Variants in RBFOX1 observed in about 807,000 individuals in gnomAD.
RBFOX1 encodes RNA binding fox-1 homolog 1, also known as RNA binding protein fox-1 homolog 1.
A neutral mutation model predicts 57.7 loss-of-function variants in RBFOX1; 8 were observed. The ratio of observed to expected loss-of-function variants is 0.14; its 90% CI spans 0.08 to 0.25. The LOEUF (loss-of-function observed/expected upper bound fraction) is 0.25, where lower values mean the gene tolerates loss of function less well. Ranked by LOEUF, RBFOX1 falls within the 10% of genes least tolerant of loss-of-function variation. RBFOX1 has a pLI of 1.00. For synonymous variants in RBFOX1, 326 were observed against 222.4 expected, an observed-to-expected ratio of 1.47 and a Z score of -4.15; for missense variants, 611 against 548.5, an observed-to-expected ratio of 1.11 and a Z score of -1.14.
At chr16:5,611,719 T>C (rs146645368) in intron 3 of RBFOX1, among the ~76,000 whole-genome samples, 59,253 of 114,808 alleles carry the variant, frequency 0.52, 17,560 homozygotes, top group Non-Finnish European at 0.66. Context: ...TCCATCCATC[T>C]ATCCATCCAT....
intron 2 of RBFOX1, among the ~76,000 whole-genome samples, chr16:6,437,254 C>A (rs1016452640): frequency 2.0e-5 from 3 of 152,184 alleles, no homozygotes; most frequent in African/African-American, 7.2e-5. Context: ...CAGTAATTCC[C>A]TACTGACCTG....
At chr16:6,304,164 T>C (rs1186160621) in intron 1 of RBFOX1, among the ~76,000 whole-genome samples, 2 of 151,794 alleles carry the variant, frequency 1.3e-5, no homozygotes, top group Non-Finnish European at 2.9e-5. Context: ...GGCAGGTGCC[T>C]GTAGTCCCGG....
At chr16:5,471,639 C>G (rs1187694060) in intron 2 of RBFOX1, among the ~76,000 whole-genome samples, 2 of 152,114 alleles carry the variant, frequency 1.3e-5, no homozygotes, top group Non-Finnish European at 2.9e-5. Context: ...GGAACTTCCC[C>G]AAGGCAGAAC....
intron 2 of RBFOX1, among the ~76,000 whole-genome samples, chr16:5,584,179 C>A (rs956975415): frequency 6.6e-6 from 1 of 152,180 alleles, no homozygotes; most frequent in Non-Finnish European, 1.5e-5. Flanking sequence ...AGTGTTCTCC[C>A]TTGTGATTAT....
chr16:5,771,490 C>T (rs963377531), intron 3 of RBFOX1, among the ~76,000 whole-genome samples: 2 of 152,202 alleles, frequency 1.3e-5, no homozygotes, highest in East Asian at 1.9e-4. Flanking sequence ...TTCATTGCAG[C>T]TTCTGCCTCC....
rs1009441049 is a variant in RBFOX1 at position 6,746,087 on chromosome 16, C to T, written c.-16+91437C>T. On this transcript the variant is annotated intron_variant, in intron 3 of 15. Transcript: ENST00000550418. Reference sequence around the variant, plus strand: ...ATGGAAGATATGCCAGTCCTATACCCTTAAAACTACAGAATAGCTGAGAGG... The same window carrying T: ...ATGGAAGATATGCCAGTCCTATACCTTTAAAACTACAGAATAGCTGAGAGG... Among the ~76,000 whole-genome samples the T allele has an allele frequency of 3.9e-5, 6 of 152,102 alleles. No individual in the cohort carries two copies. In the South Asian group the frequency reaches 8.3e-4, roughly 21 times the overall value.
At chr16:6,574,955 G>A (rs2097406167) in intron 2 of RBFOX1, among the ~76,000 whole-genome samples, 1 of 151,244 alleles carries the variant, frequency 6.6e-6, no homozygotes, top group Non-Finnish European at 1.5e-5. Context: ...GGAGAATGGC[G>A]TGAACCTGGG....
intron 4 of RBFOX1, among the ~76,000 whole-genome samples, chr16:7,288,277 G>A (rs1214815921): frequency 1.3e-5 from 2 of 152,152 alleles, no homozygotes; most frequent in African/African-American, 4.8e-5. Context: ...TCAACTTTCA[G>A]ACATTCTACT....
intron 4 of RBFOX1, among the ~76,000 whole-genome samples, chr16:7,464,688 C>CTTTTTTTTTTTTTT (rs57553411): frequency 1.6e-5 from 1 of 62,232 alleles, no homozygotes; most frequent in African/African-American, 6.9e-5. Context: ...TATTGTCTGT[C>CTTTTTTTTTTTTTT]TTTTTTTTTT....
rs985672448 is a variant in RBFOX1 at position 5,978,718 on chromosome 16, G to A, written c.351+111383G>A. On this transcript the variant is annotated intron_variant, in intron 4 of 19. Transcript: ENST00000641259. ...GTTGTTGTTTTTTTAAATGATGACA[G>A]TGTTGAGGGGTACCAGTCCGGCGTC... Among the ~76,000 whole-genome samples the A allele has an allele frequency of 2.7e-5, 4 of 150,838 alleles. No homozygotes were observed. The Admixed American group carries it at 2.7e-4, about 10-fold the overall frequency.
chr16:7,687,900 C>A (rs1198072895), intron 14 of RBFOX1, among the ~76,000 whole-genome samples: 3 of 151,952 alleles, frequency 2.0e-5, no homozygotes, highest in East Asian at 3.9e-4. Flanking sequence ...TGAGAATCAA[C>A]CCCAGGGGTT....
chr16:7,245,210 T>C (rs1381046048), intron 4 of RBFOX1, among the ~76,000 whole-genome samples: 1 of 152,270 alleles, frequency 6.6e-6, no homozygotes, highest in African/African-American at 2.4e-5. Flanking sequence ...ATCTTATATT[T>C]CATTTGAAAA....
chr16:6,629,202 A>T (rs35900490), intron 2 of RBFOX1, among the ~76,000 whole-genome samples: 3 of 152,210 alleles, frequency 2.0e-5, no homozygotes, highest in Non-Finnish European at 4.4e-5. Context: ...TGTAATTGTG[A>T]TGGAAGTTCT....
At position 6,966,839 on chromosome 16, in the gene RBFOX1, C is replaced by A. The variant is rs544219845; in HGVS notation, c.-15-85218C>A. On this transcript the variant is annotated intron_variant, in intron 3 of 15. Coordinates refer to ENST00000550418, the MANE Select transcript of RBFOX1 (RefSeq NM_018723.4). The stretch of plus-strand genomic sequence containing the variant: ...TCTGTCTATCTATCTGTCTATCTAT[C>A]TATCCATCCATCTATCCACACATCC... 5.9e-3 allele frequency among the ~76,000 whole-genome samples: 891 copies of A among 152,104 alleles called. 9 individuals are homozygous for A. The highest frequency in any genetic ancestry group is 0.02 in the African/African-American group (816 of 41,462).
chr16:7,313,475 C>CTTT lies in RBFOX1; in HGVS notation c.28-204663_28-204661dup, dbSNP rs5815390. Among the ~76,000 whole-genome samples the CTTT allele has an allele frequency of 1.4e-4, 20 of 144,322 alleles. No homozygotes were observed. In the East Asian group the frequency reaches 2.2e-3, roughly 16 times the overall value. The allele number at this position is 144,322 out of a possible 152,430, so 94.7% of individuals were successfully genotyped here. A position where few individuals can be genotyped will look rare whatever the true frequency, so the allele number is the denominator to read the frequency against. On this transcript the variant is annotated intron_variant, in intron 4 of 15. Transcript: ENST00000550418. Reference sequence around the variant, plus strand: ...TTTATCTTTTTTTTTCTTTTCTTGTCTTTTTTTTTTTAAGGCTCTTTGGTT... The same window carrying CTTT: ...TTTATCTTTTTTTTTCTTTTCTTGTCTTTTTTTTTTTTTTAAGGCTCTTTGGTT...
chr16:6,979,447 C>T (rs778318477), intron 3 of RBFOX1, among the ~76,000 whole-genome samples: 5 of 152,170 alleles, frequency 3.3e-5, no homozygotes, highest in Non-Finnish European at 5.9e-5. Flanking sequence ...GAAGAAATTA[C>T]AGTGATTTAC....
At position 6,060,122 on chromosome 16, in the gene RBFOX1, G is replaced by GTTT. The variant is rs199690584; in HGVS notation, c.-127+40164_-127+40166dup. ...ATTTGGCCCTAAAATTAGGATTAGGGTTTTTTTTTTTTTTTTTTTTTTTTT... is the reference window on the plus strand; with the variant it reads ...ATTTGGCCCTAAAATTAGGATTAGGGTTTTTTTTTTTTTTTTTTTTTTTTTTTT... On this transcript the variant is annotated intron_variant, in intron 1 of 15. Transcript: ENST00000550418. Among the ~76,000 whole-genome samples, 886 of 114,074 alleles carry GTTT rather than the reference G, an allele frequency of 7.8e-3. 92 individuals carry two copies. Among genetic ancestry groups the GTTT allele is most frequent in the African/African-American group, 0.018 (491 of 27,668 alleles). 74.8% of individuals were successfully genotyped at this position (114,074 alleles called of 152,430 possible). A position where few individuals can be genotyped will look rare whatever the true frequency, so the allele number is the denominator to read the frequency against.
At chr16:6,108,893 T>A (rs2096412558) in intron 1 of RBFOX1, among the ~76,000 whole-genome samples, 1 of 152,134 alleles carries the variant, frequency 6.6e-6, no homozygotes, top group Non-Finnish European at 1.5e-5. Flanking sequence ...GTATTAATAT[T>A]TCGGACCCAC....
chr16:6,225,765 G>C (rs989496692), intron 1 of RBFOX1, among the ~76,000 whole-genome samples: 1 of 152,160 alleles, frequency 6.6e-6, no homozygotes, highest in Non-Finnish European at 1.5e-5. Context: ...TAACAAAATG[G>C]ATCATGTCAG....
Sources: allele counts gnomAD v4.1 joint callset (sites outside exome capture counted in the v4.1 genomes callset), GRCh38; gene constraint gnomAD v4.1.1; transcripts MANE v1.5; gene names NCBI Gene and HGNC (gene_info 2026-07-23, HGNC 2026-07-21).